HSD17B12: variants seen among roughly 807,000 people sequenced by gnomAD.
HSD17B12 encodes very-long-chain 3-oxoacyl-CoA reductase.
HSD17B12 carries 32 observed loss-of-function variants against 39.3 expected under a neutral mutation model. The ratio of observed to expected loss-of-function variants is 0.81; its 90% CI spans 0.61 to 1.09. The LOEUF is 1.09. HSD17B12 is among the 50% of genes least tolerant of loss of function. HSD17B12 has a pLI of 0.00. For synonymous variants in HSD17B12, 150 were observed against 146.7 expected, an observed-to-expected ratio of 1.02 and a Z score of -0.16; for missense variants, 342 against 382.9, an observed-to-expected ratio of 0.89 and a Z score of 0.89.
At chr11:43,609,446 G>A in the HSD17B12 span, among the ~76,000 whole-genome samples, 2 of 151,684 alleles carry the variant, frequency 1.3e-5, no homozygotes, top group Non-Finnish European at 2.9e-5. Flanking sequence ...GTTCACTGCA[G>A]CCTCAACTTC....
chr11:43,597,635 G>T, the HSD17B12 span, among the ~76,000 whole-genome samples: 12 of 152,102 alleles, frequency 7.9e-5, no homozygotes, highest in South Asian at 2.1e-4. Context: ...CGTTTGTTTG[G>T]TTTGTTTTGT....
At chr11:43,779,628 A>G (rs144879348) in intron 3 of HSD17B12, among the ~76,000 whole-genome samples, 9 of 152,354 alleles carry the variant, frequency 5.9e-5, no homozygotes, top group African/African-American at 1.2e-4. Context: ...TGTGTTCCAC[A>G]TAAGTGAGAA....
chr11:43,727,181 C>A (rs1950229479), intron 1 of HSD17B12, among the ~76,000 whole-genome samples: 2 of 152,120 alleles, frequency 1.3e-5, no homozygotes, highest in Non-Finnish European at 2.9e-5. Context: ...CAAGAGGCCC[C>A]CTGAAGCTGA....
At chr11:43,638,608 A>T in the HSD17B12 span, among the ~76,000 whole-genome samples, 2 of 152,228 alleles carry the variant, frequency 1.3e-5, no homozygotes, top group Non-Finnish European at 2.9e-5. Flanking sequence ...GCTTGGCAGC[A>T]TTGATGGTTC....
At chr11:43,761,161 A>T (rs561412987) in intron 3 of HSD17B12, among the ~76,000 whole-genome samples, 35 of 152,348 alleles carry the variant, frequency 2.3e-4, no homozygotes, top group African/African-American at 7.9e-4. Context: ...TGGGCTTGTC[A>T]TGCTTAATTA....
intron 1 of HSD17B12, among the ~76,000 whole-genome samples, chr11:43,726,592 T>G (rs1329763894): frequency 6.6e-6 from 1 of 152,206 alleles, no homozygotes; most frequent in African/African-American, 2.4e-5. Flanking sequence ...TAGAATCCTT[T>G]TCTCATAGGG....
intron 3 of HSD17B12, among the ~76,000 whole-genome samples, chr11:43,773,098 G>A (rs553061563): frequency 1.3e-5 from 2 of 152,186 alleles, no homozygotes; most frequent in East Asian, 3.9e-4. Flanking sequence ...GCAACAGTGA[G>A]ACCCTGTCTC....
At chr11:43,695,574 G>A (rs764924964) in intron 1 of HSD17B12, among the ~76,000 whole-genome samples, 16 of 151,562 alleles carry the variant, frequency 1.1e-4, no homozygotes, top group Non-Finnish European at 1.9e-4. Context: ...GCAAAACTTC[G>A]TCTCAAAAAA....
At chr11:43,722,869 G>A (rs1057219940) in intron 1 of HSD17B12, among the ~76,000 whole-genome samples, 1 of 152,050 alleles carries the variant, frequency 6.6e-6, no homozygotes, top group Non-Finnish European at 1.5e-5. Flanking sequence ...CCATGGTGGT[G>A]TGCTATTTTG....
the HSD17B12 span, among the ~76,000 whole-genome samples, chr11:43,672,632 C>T: frequency 3.4e-3 from 514 of 152,186 alleles, 3 homozygotes; most frequent in East Asian, 0.03. Flanking sequence ...ACTGCAACCT[C>T]CACCTCCTGG....
At position 43,757,778 on chromosome 11, in the gene HSD17B12, C is replaced by T. The variant is rs192611879; in HGVS notation, c.283+3657C>T. On this transcript the variant is annotated intron_variant, in intron 3 of 10. Coordinates refer to ENST00000278353, the MANE Select transcript of HSD17B12 (RefSeq NM_016142.3). ...TGAATGCCACAAAGGAAACAAAGGG[C>T]TAGAGAGATAACAATAGAGAAGTTC... 2.7e-3 allele frequency among the ~76,000 whole-genome samples: 411 copies of T among 150,532 alleles called. 2 individuals are homozygous for T. Among genetic ancestry groups the T allele is most frequent in the Non-Finnish European group, 4.1e-3 (276 of 67,846 alleles).
chr11:43,681,146 T>G (rs1949740667), intron 1 of HSD17B12, 159 bp downstream of exon 1: 1 of 1,416,438 alleles, frequency 7.1e-7, no homozygotes, highest in Non-Finnish European at 9.2e-7. Flanking sequence ...CTCCCTTGGC[T>G]GTCTTCTGCT....
chr11:43,817,058 A>ATATATC (rs1163474100), intron 6 of HSD17B12, among the ~76,000 whole-genome samples: 2 of 139,818 alleles, frequency 1.4e-5, no homozygotes, highest in East Asian at 2.0e-4. Context: ...ATATATATAT[A>ATATATC]TCTCGTGGTT....
At chr11:43,646,174 T>C in the HSD17B12 span, 1 of 152,126 alleles carries the variant, frequency 6.6e-6, no homozygotes, top group Non-Finnish European at 1.5e-5. Flanking sequence ...TGTATAGTAA[T>C]GGTAGAGAAA....
chr11:43,585,350 A>G, the HSD17B12 span, among the ~76,000 whole-genome samples: 1 of 152,180 alleles, frequency 6.6e-6, no homozygotes, highest in South Asian at 2.1e-4. Flanking sequence ...TTGAAACCCC[A>G]GGGCTGTCAG....
At position 43,831,785 on chromosome 11, in the gene HSD17B12, C is replaced by G. The variant is rs1374169926; in HGVS notation, c.536+775C>G. 6.6e-6 allele frequency among the ~76,000 whole-genome samples: 1 copy of G among 152,020 alleles called. No homozygotes were observed. Among genetic ancestry groups the G allele is most frequent in the African/African-American group, 2.4e-5 (1 of 41,366 alleles). The stretch of plus-strand genomic sequence containing the variant: ...AAATAACTATGAGTTTGGAAGAGAC[C>G]CAGAGGAATCACAGCTTTGAAAAGG... On this transcript the variant is annotated intron_variant, in intron 7 of 10. Transcript: ENST00000278353. This position sits in a 1 kb window ranked among gnomAD's most constrained non-coding sequence, Gnocchi z 4.1.
chr11:43,825,526 C>T (rs984296078), intron 6 of HSD17B12, among the ~76,000 whole-genome samples: 4 of 152,166 alleles, frequency 2.6e-5, no homozygotes, highest in Non-Finnish European at 5.9e-5. Flanking sequence ...TGCATCCGGG[C>T]ACCCTGCTTC....
intron 8 of HSD17B12, among the ~76,000 whole-genome samples, chr11:43,839,200 G>A (rs1009185092): frequency 1.3e-5 from 2 of 152,092 alleles, no homozygotes; most frequent in African/African-American, 2.4e-5. Flanking sequence ...GCAAAACTCC[G>A]ACTTCTTTTT....
At chr11:43,634,683 T>A in the HSD17B12 span, among the ~76,000 whole-genome samples, 1 of 152,206 alleles carries the variant, frequency 6.6e-6, no homozygotes, top group African/African-American at 2.4e-5. Context: ...TATCCAGTTC[T>A]CTCCAGTGTT....
Sources: gnomAD v4.1 joint callset for allele counts (sites outside exome capture counted in the v4.1 genomes callset) on GRCh38, gnomAD v4.1.1 for gene constraint, Gnocchi (gnomAD v3.1) non-coding constraint, MANE v1.5 for transcripts, NCBI Gene and HGNC (gene_info 2026-07-23, HGNC 2026-07-21) for gene names.